The following WDR59 variants were observed in gnomAD, a reference collection of about 807,000 sequenced individuals.
The protein encoded by WDR59 is WD repeat domain 59.
Under a neutral mutation model 131.2 loss-of-function variants are expected in WDR59, and 100 were observed. The ratio of observed to expected loss-of-function variants is 0.76; its 90% CI spans 0.65 to 0.90. The LOEUF (loss-of-function observed/expected upper bound fraction) is 0.90, where lower values mean the gene tolerates loss of function less well. WDR59 is among the 40% of genes least tolerant of loss of function. The pLI is 0.00. For missense variants in WDR59, 1,203 were observed against 1,262.2 expected (o/e 0.95, Z 0.71); for synonymous variants, 601 against 466.2 (o/e 1.29, Z -3.72).
intron 1 of WDR59, among the ~76,000 whole-genome samples, chr16:74,981,660 ATT>A (rs1181233727): frequency 1.2e-5 from 1 of 80,876 alleles, no homozygotes; most frequent in African/African-American, 7.3e-5. Flanking sequence ...ATATATATAT[ATT>A]TTTTTTTTTT....
intron 2 of WDR59, among the ~76,000 whole-genome samples, chr16:74,963,951 T>C (rs2145189960): frequency 6.7e-6 from 1 of 148,314 alleles, no homozygotes; most frequent in South Asian, 2.2e-4. Context: ...GAATATGAAA[T>C]GAGGCCAAGG....
chr16:74,912,384 T>C (rs369373854), intron 13 of WDR59, 22 bp from the exon 14 acceptor site: 13 of 1,602,756 alleles, frequency 8.1e-6, no homozygotes, highest in Middle Eastern at 2.0e-4. Context: ...AAATCCACAA[T>C]TGCTGTAGAA....
intron 18 of WDR59, among the ~76,000 whole-genome samples, chr16:74,900,940 G>A (rs1319982496): frequency 2.0e-5 from 3 of 152,264 alleles, no homozygotes; most frequent in East Asian, 3.9e-4. Flanking sequence ...CCAACATGGT[G>A]AAACCATGAT....
At chr16:74,963,927 AAGAG>A (rs931155040) in intron 2 of WDR59, among the ~76,000 whole-genome samples, 1 of 150,580 alleles carries the variant, frequency 6.6e-6, no homozygotes, top group Non-Finnish European at 1.5e-5. Context: ...AAAAGGGAGA[AAGAG>A]AGAGAGAGAG....
chr16:74,980,502 C>T (rs1032016105), intron 1 of WDR59, among the ~76,000 whole-genome samples: 4 of 149,884 alleles, frequency 2.7e-5, no homozygotes, highest in East Asian at 2.0e-4. Flanking sequence ...TACAGGCACA[C>T]GCCACCATGC....
intron 4 of WDR59, chr16:74,950,009 C>A: frequency 1.6e-6 from 1 of 609,478 alleles, no homozygotes; most frequent in Non-Finnish European, 3.1e-6. Flanking sequence ...ATACCATCAT[C>A]TGCTCCCAGA....
intron 15 of WDR59, 80 bp downstream of exon 15, chr16:74,909,742 G>T: frequency 6.4e-7 from 1 of 1,569,314 alleles, no homozygotes; most frequent in African/African-American, 1.4e-5. Context: ...GACAAAACCA[G>T]AAAACCCATG....
intron 24 of WDR59, 77 bp downstream of exon 24, chr16:74,886,193 A>AAAAAAAAAAAAAAAGCC: frequency 6.7e-7 from 1 of 1,495,326 alleles, no homozygotes; most frequent in Non-Finnish European, 9.0e-7. Context: ...AAAAAAAAGT[A>AAAAAAAAAAAAAAAGCC]AGAGTTGTGA....
intron 1 of WDR59, among the ~76,000 whole-genome samples, chr16:74,982,701 C>G (rs1216466074): frequency 6.6e-6 from 1 of 152,180 alleles, no homozygotes; most frequent in Non-Finnish European, 1.5e-5. Flanking sequence ...AGTCTGGCGC[C>G]TCCCTAGGGA....
chr16:74,962,695 T>C (rs1260238120), intron 2 of WDR59: 1 of 152,144 alleles, frequency 6.6e-6, no homozygotes, highest in Non-Finnish European at 1.5e-5. Context: ...GCTGAGACAA[T>C]GGGGTTTCCT....
At chr16:74,906,638 C>T (rs1043845693) in intron 17 of WDR59, among the ~76,000 whole-genome samples, 8 of 152,160 alleles carry the variant, frequency 5.3e-5, no homozygotes, top group East Asian at 1.9e-4. Context: ...CACAGGACAA[C>T]GAATAAACAA....
At chr16:74,896,243 C>A (rs1965292051) in intron 18 of WDR59, among the ~76,000 whole-genome samples, 1 of 152,202 alleles carries the variant, frequency 6.6e-6, no homozygotes, top group African/African-American at 2.4e-5. Flanking sequence ...AGCACTTAAA[C>A]AATTGAGCAA....
chr16:74,886,320 G>A lies in WDR59; in HGVS notation c.2496C>T (p.Thr832=), dbSNP rs144862754. ...SPEELRFGSL[T]YSDPRERERD... ...GTTCTCGCTCACGGGGATCACTGTA[G>A]GTCAGACTCCCAAAGCGGAGCTCTT... The change falls in exon 24 of 26, where the codon ACC becomes ACT. Residue 832 remains threonine, a synonymous_variant. Transcript: ENST00000262144. 2.6e-5 allele frequency: 42 copies of A among 1,614,022 alleles called. No individual in the cohort carries two copies. The African/African-American group carries it at 4.9e-4, about 19-fold the overall frequency.
intron 20 of WDR59, among the ~76,000 whole-genome samples, chr16:74,891,538 A>G (rs774018389): frequency 1.8e-4 from 27 of 152,236 alleles, no homozygotes; most frequent in Non-Finnish European, 3.7e-4. Context: ...GATAATACAC[A>G]TTTCCTGAAT....
chr16:74,893,916 A>G (rs967515867), intron 18 of WDR59, 104 bp from the exon 19 acceptor site: 1 of 1,267,074 alleles, frequency 7.9e-7, no homozygotes, highest in Non-Finnish European at 1.1e-6. Context: ...GCACTTTTTA[A>G]AAATTACATC....
intron 2 of WDR59, among the ~76,000 whole-genome samples, chr16:74,961,782 T>C (rs759836419): frequency 2.0e-5 from 3 of 152,226 alleles, no homozygotes; most frequent in Non-Finnish European, 4.4e-5. Flanking sequence ...GTGCAGAAGC[T>C]TATTAGTTTA....
chr16:74,925,217 G>A (rs1191632235), intron 8 of WDR59, among the ~76,000 whole-genome samples: 2 of 152,046 alleles, frequency 1.3e-5, no homozygotes, highest in Admixed American at 6.6e-5. Flanking sequence ...GCATTACGTT[G>A]AATGAAAAAA....
At chr16:74,978,503 A>G (rs149472824) in intron 1 of WDR59, among the ~76,000 whole-genome samples, 1 of 152,244 alleles carries the variant, frequency 6.6e-6, no homozygotes, top group African/African-American at 2.4e-5. Flanking sequence ...CAAAAAACAA[A>G]ACAAAACAAA....
At chr16:74,925,766 T>C (rs2030726457) in intron 8 of WDR59, among the ~76,000 whole-genome samples, 1 of 149,338 alleles carries the variant, frequency 6.7e-6, no homozygotes, top group Non-Finnish European at 1.5e-5. Flanking sequence ...CAGTGGCTCA[T>C]GCCTATAATC....
Sources: allele counts gnomAD v4.1 joint callset (sites outside exome capture counted in the v4.1 genomes callset), GRCh38; gene constraint gnomAD v4.1.1; transcripts MANE v1.5; gene names NCBI Gene and HGNC (gene_info 2026-07-23, HGNC 2026-07-21).